The following MFSD12 variants were observed in gnomAD, a reference collection of about 807,000 sequenced individuals.
The protein encoded by MFSD12 is major facilitator superfamily domain-containing protein 12.
A neutral mutation model predicts 51.2 loss-of-function variants in MFSD12; 67 were observed. The ratio of observed to expected loss-of-function variants is 1.31; its 90% CI spans 1.08 to 1.60. The LOEUF (loss-of-function observed/expected upper bound fraction) is 1.60, where lower values mean the gene tolerates loss of function less well. MFSD12 is among the 40% of genes most tolerant of loss of function. The pLI is 0.00. For synonymous variants in MFSD12, 441 were observed against 316.7 expected (o/e 1.39, Z -4.17); for missense variants, 921 against 673.0 (o/e 1.37, Z -4.08).
At chr19:3,547,696 G>A (rs1023683196) in intron 4 of MFSD12, 149 bp from the exon 5 acceptor site, 104 of 1,180,644 alleles carry the variant, frequency 8.8e-5, no homozygotes, top group Middle Eastern at 5.7e-4. Flanking sequence ...CCAGGAAGAG[G>A]AGAGCAGCAC....
chr19:3,544,828 C>A lies in MFSD12; in HGVS notation c.1401G>T (p.Trp467Cys). 1.9e-6 allele frequency: 3 copies of A among 1,612,398 alleles called. No individual in the cohort carries two copies. Among genetic ancestry groups the A allele is most frequent in the Non-Finnish European group, 2.5e-6 (3 of 1,179,590 alleles). Residue 467 changes from tryptophan (W) to cysteine (C), a missense_variant, in exon 9 of 10, where the codon TGG becomes TGT. By Grantham distance (215) the Trp-to-Cys change is radical. Coordinates refer to ENST00000355415, the MANE Select transcript of MFSD12 (RefSeq NM_174983.5). ...ACTCACAGCGTCGCAGGCGGGTCGGCCACAGCAGGAGGCTACAGAGACACA... is the reference window on the plus strand; with the variant it reads ...ACTCACAGCGTCGCAGGCGGGTCGGACACAGCAGGAGGCTACAGAGACACA... Reference protein sequence around the residue: ...AALCLCSLLLWPTRLRRWDRD... With the variant: ...AALCLCSLLLCPTRLRRWDRD...
intron 2 of MFSD12, among the ~76,000 whole-genome samples, chr19:3,550,042 A>C (rs2031381044): frequency 6.7e-6 from 1 of 149,034 alleles, no homozygotes; most frequent in South Asian, 2.1e-4. Context: ...CTGGCCTCAG[A>C]AGCAGCAGCC....
rs543321039 is a variant in MFSD12, at chr19:3,548,231, G to A, written c.546C>T (p.Tyr182=). ...GGTGCAGCAGGAGCCAGGCGGCGCC[G>A]TAGACGGTGATGTTGGCCACCACGG... ...AFTVVANITV[Y]GAAWLLLHLQ... is the part of the protein sequence containing the mutation. Residue 182 remains tyrosine (Y), a synonymous_variant, in exon 3 of 10, where the codon TAC becomes TAT. Coordinates refer to ENST00000355415, the MANE Select transcript of MFSD12 (RefSeq NM_174983.5). The A allele has an allele frequency of 2.0e-5, 31 of 1,552,544 alleles. No individual in the cohort carries two copies. The highest frequency in any genetic ancestry group is 1.8e-4 in the Middle Eastern group (1 of 5,684).
At chr19:3,539,382 A>C (rs2030169100), downstream of MFSD12, 7 of 646,448 alleles carry the variant, frequency 1.1e-5, no homozygotes, top group South Asian at 1.8e-5. Flanking sequence ...TAAAAGGCTC[A>C]TGTGTGTGAC....
chr19:3,543,778 G>A (rs2145170049), downstream of MFSD12: 3 of 1,491,776 alleles, frequency 2.0e-6, no homozygotes, highest in South Asian at 3.9e-5. Flanking sequence ...GCCCCTTGCT[G>A]GCCAACGGCG....
At position 3,551,264 on chromosome 19, in the gene MFSD12, G is replaced by A; in HGVS notation, c.299-70C>T. On this transcript the variant is annotated intron_variant, in intron 1 of 9. Transcript: ENST00000355415. This position sits in a 1 kb window ranked among gnomAD's most constrained non-coding sequence, Gnocchi z 4.6. ...CCAGGGCTCCCAGGGTGAGGACATG[G>A]AGGGAGGAGAGAGGGAAACTGAGGC... 3 of 1,265,154 alleles carry A rather than the reference G, an allele frequency of 2.4e-6. No individual in the cohort carries two copies. The highest frequency in any genetic ancestry group is 1.5e-5 in the South Asian group (1 of 68,298). The allele number at this position is 1,265,154 out of a possible 1,614,324, so 78.4% of individuals were successfully genotyped here. A position where few individuals can be genotyped will look rare whatever the true frequency, so the allele number is the denominator to read the frequency against.
At position 3,557,397 on chromosome 19, in the gene MFSD12, G is replaced by A; in HGVS notation, c.7C>T (p.Pro3Ser). The change falls in exon 1 of 10, where the codon CCG becomes TCG. Residue 3 changes from proline to serine, a missense_variant. By Grantham distance (74) the Pro-to-Ser change is moderately conservative (BLOSUM62 -1). Transcript: ENST00000355415. MG[P>S]GPPAAGAAPS... The stretch of plus-strand genomic sequence containing the variant: ...GCCGCTCCGGCCGCTGGGGGTCCCG[G>A]GCCCATCGCGGCGCCGGGCCCGCGC... The A allele has an allele frequency of 8.0e-7, 1 of 1,255,328 alleles. No homozygotes were observed. The highest frequency in any genetic ancestry group is 1.0e-6 in the Non-Finnish European group (1 of 998,090). The allele number at this position is 1,255,328 out of a possible 1,614,324, so 77.8% of individuals were successfully genotyped here.
intron 6 of MFSD12, 82 bp from the exon 7 acceptor site, chr19:3,546,507 A>C (rs1233951530): frequency 3.0e-5 from 43 of 1,457,238 alleles, no homozygotes; most frequent in Non-Finnish European, 3.9e-5. Flanking sequence ...CCTACCCCCA[A>C]CCCCAGCAAA....
Position 3,548,176 on chromosome 19 carries a change from G to T in MFSD12, c.601C>A (p.Gln201Lys). The T allele has an allele frequency of 6.3e-7, 1 of 1,595,080 alleles. No homozygotes were observed. Among genetic ancestry groups the T allele is most frequent in the Non-Finnish European group, 8.5e-7 (1 of 1,172,660 alleles). Residue 201 changes from glutamine (Q) to lysine (K), a missense_variant, in exon 3 of 10, where the codon CAA (glutamine) becomes AAA (lysine). By Grantham distance (53) the Gln-to-Lys change is moderately conservative. Transcript: ENST00000355415. ...LQGSSRVEPT[Q>K]DISISDQLGG... ...AGCTGGTCGCTGATGCTGATGTCTT[G>T]GGTGGGCTCCACCCGCGACGAGCCC... is the stretch of plus-strand genomic sequence containing the variant.
At chr19:3,555,071 G>C (rs1246059002) in intron 1 of MFSD12, among the ~76,000 whole-genome samples, 4 of 152,210 alleles carry the variant, frequency 2.6e-5, no homozygotes, top group Non-Finnish European at 5.9e-5. Flanking sequence ...AAAACATAAA[G>C]CCTTCGGTTG....
intron 2 of MFSD12, among the ~76,000 whole-genome samples, chr19:3,549,964 C>T (rs1161242413): frequency 6.6e-6 from 1 of 152,070 alleles, no homozygotes; most frequent in Non-Finnish European, 1.5e-5. Flanking sequence ...GGTGTGTGAG[C>T]CTGGCCAAGT....
At chr19:3,538,925 G>C (rs1242124556) in intron 4 of MFSD12, 1 of 660,628 alleles carries the variant, frequency 1.5e-6, no homozygotes. Context: ...CCCCAGGTGG[G>C]GGGTGCATAG....
rs377626521 is a variant in MFSD12, at chr19:3,546,490, C to G, written c.1024-65G>C. The G allele has an allele frequency of 7.4e-5, 112 of 1,516,330 alleles. No homozygotes were observed. The African/African-American group carries it at 1.4e-3, about 19-fold the overall frequency. The allele number at this position is 1,516,330 out of a possible 1,614,324, so 93.9% of individuals were successfully genotyped here. On this transcript the variant is annotated intron_variant, in intron 6 of 9. Coordinates refer to ENST00000355415, the MANE Select transcript of MFSD12 (RefSeq NM_174983.5). ...TGCCCCCAAGCCTGGCGCTTCAATC[C>G]GCCACCCCTACCCCCAACCCCAGCA...
chr19:3,547,752 C>T lies in MFSD12; in HGVS notation c.837+96G>A, dbSNP rs1246696365. 13 of 1,394,388 alleles carry T rather than the reference C, an allele frequency of 9.3e-6. No homozygotes were observed. The East Asian group carries it at 1.0e-4, about 11-fold the overall frequency. 86.4% of individuals were successfully genotyped at this position (1,394,388 alleles called of 1,614,324 possible). A position where few individuals can be genotyped will look rare whatever the true frequency, so the allele number is the denominator to read the frequency against. On this transcript the variant is annotated intron_variant, in intron 4 of 9. Coordinates refer to ENST00000355415, the MANE Select transcript of MFSD12 (RefSeq NM_174983.5). ...TGGGTGTGGGCTGCACCAGGGGCCACGTGTGCTCTGCGTCTGGACGCAGCT... is the reference window on the plus strand; with the variant it reads ...TGGGTGTGGGCTGCACCAGGGGCCATGTGTGCTCTGCGTCTGGACGCAGCT...
At chr19:3,545,606 C>T (rs557905937) in intron 8 of MFSD12, among the ~76,000 whole-genome samples, 33 of 152,368 alleles carry the variant, frequency 2.2e-4, no homozygotes, top group South Asian at 4.1e-4. Flanking sequence ...TTTCTCTGAG[C>T]GTTCACCTTT....
rs1172826272 is a variant in MFSD12 at position 3,550,960 on chromosome 19, G to C, written c.509+24C>G. 3 of 1,599,788 alleles carry C rather than the reference G, an allele frequency of 1.9e-6. No homozygotes were observed. The East Asian group carries it at 6.7e-5, about 36-fold the overall frequency. ...CCGAGCCGGGGCCCACCCTGCCCGT[G>C]GGGGAGGGTGCCCAGGCTCCCACCT... On this transcript the variant is annotated intron_variant, in intron 2 of 9. Coordinates refer to ENST00000355415, the MANE Select transcript of MFSD12 (RefSeq NM_174983.5).
downstream of MFSD12, chr19:3,542,689 G>T: frequency 8.1e-7 from 1 of 1,236,548 alleles, no homozygotes. Context: ...TACCATGCTG[G>T]CCAGGCTGGT....
In MFSD12 at chr19:3,551,512, C is replaced by T. The variant is rs116665738; in HGVS notation, c.299-318G>A. On this transcript the variant is annotated intron_variant, in intron 1 of 9. Transcript: ENST00000355415. This position sits in a 1 kb window ranked among gnomAD's most constrained non-coding sequence, Gnocchi z 4.6. ...GCAGCCTCCCCCAGCTCCTCCCCCT[C>T]GGCCACTATCAAGCCTCCCATAGGG... Among the ~76,000 whole-genome samples the T allele has an allele frequency of 0.037, 5,635 of 152,216 alleles. 334 individuals carry two copies. The highest frequency in any genetic ancestry group is 0.12 in the African/African-American group (5,087 of 41,516).
intron 2 of MFSD12, among the ~76,000 whole-genome samples, chr19:3,548,684 C>T (rs974953745): frequency 6.8e-6 from 1 of 146,296 alleles, no homozygotes; most frequent in Non-Finnish European, 1.5e-5. Context: ...GGCACAGAGT[C>T]CCCCGGGGGG....
Sources: allele counts gnomAD v4.1 joint callset (sites outside exome capture counted in the v4.1 genomes callset), GRCh38; gene constraint gnomAD v4.1.1; non-coding constraint Gnocchi (gnomAD v3.1); transcripts MANE v1.5; gene names NCBI Gene and HGNC (gene_info 2026-07-23, HGNC 2026-07-21).